The following ROBO1 variants were observed in gnomAD, a reference collection of about 807,000 sequenced individuals.
The protein encoded by ROBO1 is roundabout homolog 1.
In ROBO1, 149 loss-of-function variants were observed where a neutral mutation model predicts 195.9. The observed-to-expected ratio is 0.76, with a 90% CI of 0.67 to 0.87. ROBO1 has a LOEUF of 0.87. ROBO1 is among the 40% of genes least tolerant of loss of function. ROBO1 has a pLI of 0.00. For missense variants in ROBO1, 1,933 were observed against 2,068.3 expected, an observed-to-expected ratio of 0.93 and a Z score of 1.27; for synonymous variants, 816 against 733.2, an observed-to-expected ratio of 1.11 and a Z score of -1.82.
intron 2 of ROBO1, among the ~76,000 whole-genome samples, chr3:79,496,085 T>A (rs1172251595): frequency 6.6e-6 from 1 of 151,636 alleles, no homozygotes; most frequent in Admixed American, 6.6e-5. Flanking sequence ...TGGTGGTACG[T>A]GCCTGGAATC....
intron 3 of ROBO1, among the ~76,000 whole-genome samples, chr3:78,963,797 G>A (rs530714980): frequency 4.6e-5 from 7 of 152,206 alleles, no homozygotes; most frequent in South Asian, 4.1e-4. Context: ...GATTACAGGC[G>A]TGAGCCACAG....
At chr3:79,277,619 T>A (rs1377291719) in intron 2 of ROBO1, among the ~76,000 whole-genome samples, 1 of 151,722 alleles carries the variant, frequency 6.6e-6, no homozygotes, top group Non-Finnish European at 1.5e-5. Context: ...TAATTAAGAG[T>A]ATAATTGGAT....
At chr3:78,975,444 C>T (rs1164130872) in intron 3 of ROBO1, among the ~76,000 whole-genome samples, 2 of 151,990 alleles carry the variant, frequency 1.3e-5, no homozygotes, top group Non-Finnish European at 2.9e-5. Flanking sequence ...ATATTGAGGG[C>T]ACAGTGGATA....
intron 2 of ROBO1, among the ~76,000 whole-genome samples, chr3:79,242,000 G>A (rs1313486573): frequency 6.7e-6 from 1 of 149,736 alleles, no homozygotes; most frequent in African/African-American, 2.5e-5. Flanking sequence ...GCAGCTAGGT[G>A]TAAAACAGAA....
intron 2 of ROBO1, among the ~76,000 whole-genome samples, chr3:79,450,720 T>C (rs2039416249): frequency 6.6e-6 from 1 of 151,956 alleles, no homozygotes; most frequent in Non-Finnish European, 1.5e-5. Flanking sequence ...CAACTAAAAA[T>C]GCTTGAAAAA....
At chr3:79,376,027 A>G (rs1471551769) in intron 2 of ROBO1, among the ~76,000 whole-genome samples, 1 of 152,206 alleles carries the variant, frequency 6.6e-6, no homozygotes, top group Admixed American at 6.5e-5. Context: ...CAGTATCTAC[A>G]TTGTACATCA....
At chr3:79,104,823 G>A (rs573074705) in intron 3 of ROBO1, among the ~76,000 whole-genome samples, 12 of 151,652 alleles carry the variant, frequency 7.9e-5, no homozygotes, top group Non-Finnish European at 1.6e-4. Context: ...CCATAGCAAT[G>A]GAAACAGTTT....
intron 2 of ROBO1, among the ~76,000 whole-genome samples, chr3:79,143,968 T>G (rs2080589380): frequency 6.6e-6 from 1 of 152,000 alleles, no homozygotes; most frequent in African/African-American, 2.4e-5. Context: ...AGAATGACTT[T>G]TTTTTTTCCA....
At chr3:79,079,625 T>C (rs537944868) in intron 3 of ROBO1, among the ~76,000 whole-genome samples, 16 of 151,920 alleles carry the variant, frequency 1.1e-4, no homozygotes, top group Middle Eastern at 3.4e-3. Context: ...ATCCACTTCA[T>C]TATTTTCTGA....
chr3:79,100,340 T>C (rs1426853000), intron 3 of ROBO1, among the ~76,000 whole-genome samples: 1 of 151,820 alleles, frequency 6.6e-6, no homozygotes, highest in Non-Finnish European at 1.5e-5. Context: ...ATGTCATTTA[T>C]TGGCTAGCAA....
rs115514076 is a variant in ROBO1, at chr3:79,505,359, G to C, written c.88+84465C>G. On this transcript the variant is annotated intron_variant, in intron 2 of 30. Transcript: ENST00000464233. ...GAAAGAGAAAGAGATTTCATCTCTTGTAAATTGCCAAATTGCGACAATGAT... is the reference window on the plus strand; with the variant it reads ...GAAAGAGAAAGAGATTTCATCTCTTCTAAATTGCCAAATTGCGACAATGAT... 7.5e-3 allele frequency among the ~76,000 whole-genome samples: 1,145 copies of C among 152,254 alleles called. 13 individuals are homozygous for C. The highest frequency in any genetic ancestry group is 8.6e-3 in the Non-Finnish European group (584 of 68,014).
intron 2 of ROBO1, among the ~76,000 whole-genome samples, chr3:79,449,341 G>GA (rs1430093202): frequency 5.9e-5 from 9 of 151,832 alleles, no homozygotes; most frequent in East Asian, 3.9e-4. Flanking sequence ...TTATGAAATT[G>GA]AAAAAAACAC....
At chr3:79,556,191 G>A (rs1942693076) in intron 2 of ROBO1, among the ~76,000 whole-genome samples, 1 of 151,834 alleles carries the variant, frequency 6.6e-6, no homozygotes, top group Non-Finnish European at 1.5e-5. Context: ...TTAATATGCA[G>A]TATTTCATCA....
At chr3:79,215,399 C>T (rs528662184) in intron 2 of ROBO1, among the ~76,000 whole-genome samples, 5 of 152,110 alleles carry the variant, frequency 3.3e-5, no homozygotes, top group African/African-American at 1.2e-4. Flanking sequence ...GGCAAGCAGA[C>T]AGCATAAACT....
intron 2 of ROBO1, among the ~76,000 whole-genome samples, chr3:79,583,630 T>C (rs1196230300): frequency 6.6e-6 from 1 of 151,956 alleles, no homozygotes; most frequent in Non-Finnish European, 1.5e-5. Flanking sequence ...ATAATTGTAA[T>C]ATTGATTTAA....
chr3:79,149,160 T>A (rs1449983371), intron 2 of ROBO1, among the ~76,000 whole-genome samples: 1 of 151,960 alleles, frequency 6.6e-6, no homozygotes, highest in Non-Finnish European at 1.5e-5. Flanking sequence ...GTTAACTACT[T>A]ACCAGCATAC....
chr3:78,704,599 C>T (rs577559021), intron 8 of ROBO1, among the ~76,000 whole-genome samples: 4 of 143,408 alleles, frequency 2.8e-5, no homozygotes, highest in East Asian at 2.0e-4. Flanking sequence ...CACACATACA[C>T]ACACACACAC....
chr3:79,520,847 A>G (rs928839997), intron 2 of ROBO1, among the ~76,000 whole-genome samples: 3 of 152,212 alleles, frequency 2.0e-5, no homozygotes, highest in Non-Finnish European at 2.9e-5. Flanking sequence ...GCCAAAAAAA[A>G]AAACACTTTT....
At chr3:79,075,169 C>T (rs1287327730) in intron 3 of ROBO1, among the ~76,000 whole-genome samples, 1 of 151,724 alleles carries the variant, frequency 6.6e-6, no homozygotes. Flanking sequence ...GTAACATCAT[C>T]ATTCTTAATA....
Sources: allele counts gnomAD v4.1 joint callset (sites outside exome capture counted in the v4.1 genomes callset), GRCh38; gene constraint gnomAD v4.1.1; transcripts MANE v1.5; gene names NCBI Gene and HGNC (gene_info 2026-07-23, HGNC 2026-07-21).